PRIM2: variants seen among roughly 807,000 people sequenced by gnomAD.
PRIM2 encodes DNA primase subunit 2.
Under a neutral mutation model 67.3 loss-of-function variants are expected in PRIM2, and 39 were observed. The observed-to-expected ratio is 0.58, with a 90% CI of 0.45 to 0.76. The LOEUF (loss-of-function observed/expected upper bound fraction) is 0.76. Among genes scored for constraint, PRIM2 ranks in the 30% least tolerant of loss-of-function variants. The probability of loss-of-function intolerance (pLI) is 0.00; values close to 1 mark genes in which losing one functional copy is unlikely to be tolerated. For synonymous variants in PRIM2, 143 were observed against 198.7 expected (o/e 0.72, Z 2.36); for missense variants, 398 against 598.7 (o/e 0.66, Z 3.50).
At chr6:57,378,235 AT>A (rs1046851698) in intron 5 of PRIM2, among the ~76,000 whole-genome samples, 160 of 146,242 alleles carry the variant, frequency 1.1e-3, no homozygotes, top group African/African-American at 3.7e-3. Context: ...TAATGTTTTA[AT>A]TTTTTTTTTT....
At chr6:57,584,884 T>G (rs1390836169) in intron 10 of PRIM2, among the ~76,000 whole-genome samples, 2 of 152,238 alleles carry the variant, frequency 1.3e-5, no homozygotes, top group East Asian at 3.8e-4. Context: ...CCTAACATAA[T>G]TCAGCTAGTA....
chr6:57,366,330 G>T (rs868014887), intron 5 of PRIM2, among the ~76,000 whole-genome samples: 97 of 152,268 alleles, frequency 6.4e-4, no homozygotes, highest in African/African-American at 1.1e-3. Flanking sequence ...TATTTTAGGG[G>T]AAGAAAATTG....
At chr6:57,288,621 A>C in the PRIM2 span, among the ~76,000 whole-genome samples, 1 of 151,274 alleles carries the variant, frequency 6.6e-6, no homozygotes, top group African/African-American at 2.4e-5. Flanking sequence ...AGCAATATTT[A>C]CTGTTCTGCA....
chr6:57,308,553 T>G, the PRIM2 span, among the ~76,000 whole-genome samples: 2 of 152,342 alleles, frequency 1.3e-5, no homozygotes, highest in East Asian at 3.9e-4. Flanking sequence ...TAGACTAGAA[T>G]CACATAGTGG....
intron 7 of PRIM2, among the ~76,000 whole-genome samples, chr6:57,498,714 A>G (rs1334001626): frequency 2.8e-4 from 43 of 152,124 alleles, no homozygotes; most frequent in Non-Finnish European, 5.6e-4. Context: ...TGTCATTTTT[A>G]TGTGTTTTAA....
At chr6:57,243,890 C>A in the PRIM2 span, among the ~76,000 whole-genome samples, 20 of 152,226 alleles carry the variant, frequency 1.3e-4, no homozygotes, top group East Asian at 2.3e-3. Flanking sequence ...ATTCAAAGGG[C>A]CTAATTATGC....
At chr6:57,517,499 A>G (rs1554348396) in intron 8 of PRIM2, among the ~76,000 whole-genome samples, 6 of 152,210 alleles carry the variant, frequency 3.9e-5, no homozygotes, top group African/African-American at 7.2e-5. Context: ...CATGGCTAGT[A>G]CTACTAAAGA....
intron 10 of PRIM2, among the ~76,000 whole-genome samples, chr6:57,578,961 C>G (rs1432366820): frequency 6.6e-6 from 1 of 152,014 alleles, no homozygotes; most frequent in Admixed American, 6.6e-5. Context: ...CAGGCGTGAG[C>G]CACCGCGCCC....
intron 7 of PRIM2, among the ~76,000 whole-genome samples, chr6:57,489,086 G>C (rs1354385919): frequency 6.6e-6 from 1 of 152,218 alleles, no homozygotes; most frequent in Non-Finnish European, 1.5e-5. Context: ...AGGGGCCACA[G>C]GCTGCACATG....
chr6:57,371,449 G>C (rs2127324222), intron 5 of PRIM2, among the ~76,000 whole-genome samples: 1 of 152,216 alleles, frequency 6.6e-6, no homozygotes, highest in South Asian at 2.1e-4. Flanking sequence ...TATGTTCAAA[G>C]ATACTAGTTT....
rs1486995754 is a variant in PRIM2 at position 57,493,099 on chromosome 6, C to T, written c.694-14288C>T. On this transcript the variant is annotated intron_variant, in intron 7 of 13. Transcript: ENST00000615550. Reference sequence around the variant, plus strand: ...TAGTTCCGCCTGGATGCTTAACAGGCAGTTCAGACTTAACATGGACAAAAC... The same window carrying T: ...TAGTTCCGCCTGGATGCTTAACAGGTAGTTCAGACTTAACATGGACAAAAC... 2.6e-5 allele frequency among the ~76,000 whole-genome samples: 4 copies of T among 152,304 alleles called. No individual in the cohort carries two copies. In the East Asian group the frequency reaches 7.7e-4, roughly 29 times the overall value.
intron 5 of PRIM2, among the ~76,000 whole-genome samples, chr6:57,348,746 CCT>C (rs1491184888): frequency 1.6e-5 from 2 of 122,550 alleles, no homozygotes; most frequent in East Asian, 2.6e-4. Flanking sequence ...TCCTTCCTGC[CCT>C]TTTTTTTTTT....
chr6:57,252,281 T>C, the PRIM2 span, among the ~76,000 whole-genome samples: 2 of 152,246 alleles, frequency 1.3e-5, no homozygotes, highest in Admixed American at 1.3e-4. Context: ...AGTTACCATG[T>C]ATTGAGGCTC....
the PRIM2 span, among the ~76,000 whole-genome samples, chr6:57,292,501 AAG>A: frequency 6.6e-6 from 1 of 152,310 alleles, no homozygotes; most frequent in East Asian, 1.9e-4. Context: ...TATTACTTTA[AAG>A]TTCATTTGGA....
chr6:57,292,014 A>C, the PRIM2 span, among the ~76,000 whole-genome samples: 450 of 152,260 alleles, frequency 3.0e-3, 8 homozygotes, highest in East Asian at 0.022. Context: ...GGCAAGAGAA[A>C]GAAATAAAGG....
At chr6:57,590,895 A>G (rs1214568918) in intron 10 of PRIM2, among the ~76,000 whole-genome samples, 104 of 152,334 alleles carry the variant, frequency 6.8e-4, no homozygotes, top group African/African-American at 2.5e-3. Flanking sequence ...CCTTTTTTAC[A>G]TAAAAGAGAA....
chr6:57,425,508 C>T (rs1397660860), intron 7 of PRIM2, among the ~76,000 whole-genome samples: 15 of 152,152 alleles, frequency 9.9e-5, no homozygotes, highest in Admixed American at 7.9e-4. Flanking sequence ...AGCCACCACA[C>T]CCTGCCAATG....
intron 7 of PRIM2, among the ~76,000 whole-genome samples, chr6:57,502,090 T>C (rs2127457946): frequency 6.6e-6 from 1 of 152,266 alleles, no homozygotes; most frequent in East Asian, 1.9e-4. Flanking sequence ...TCATGGTCAC[T>C]CTTTTGGTAG....
chr6:57,257,132 A>G, the PRIM2 span, among the ~76,000 whole-genome samples: 1 of 152,216 alleles, frequency 6.6e-6, no homozygotes, highest in African/African-American at 2.4e-5. Context: ...TTGAAGCAAG[A>G]GTTCTCCTTG....
Sources: allele counts gnomAD v4.1 joint callset (sites outside exome capture counted in the v4.1 genomes callset), GRCh38; gene constraint gnomAD v4.1.1; transcripts MANE v1.5; gene names NCBI Gene and HGNC (gene_info 2026-07-23, HGNC 2026-07-21).